The following NFATC3 variants were observed in gnomAD, a reference collection of about 807,000 sequenced individuals.
NFATC3 encodes nuclear factor of activated T cells 3, also known as nuclear factor of activated T-cells, cytoplasmic 3.
A neutral mutation model predicts 98.6 loss-of-function variants in NFATC3; 46 were observed. That is an observed-to-expected ratio of 0.47 (90% CI 0.37 to 0.60). The LOEUF is 0.60. Ranked by LOEUF, NFATC3 falls within the 20% of genes least tolerant of loss-of-function variation. The probability of loss-of-function intolerance (pLI) is 0.00; values close to 1 mark genes in which losing one functional copy is unlikely to be tolerated. For missense variants in NFATC3, 1,256 were observed against 1,295.5 expected, an observed-to-expected ratio of 0.97 and a Z score of 0.47; for synonymous variants, 512 against 472.2, an observed-to-expected ratio of 1.08 and a Z score of -1.09.
intron 1 of NFATC3, among the ~76,000 whole-genome samples, chr16:68,104,085 G>A (rs183418697): frequency 1.6e-3 from 247 of 152,256 alleles, no homozygotes; most frequent in Non-Finnish European, 3.0e-3. Context: ...AGAAAAGCCC[G>A]TGAAATTTTG....
At chr16:68,184,995 T>A (rs529204072) in intron 8 of NFATC3, among the ~76,000 whole-genome samples, 66 of 152,038 alleles carry the variant, frequency 4.3e-4, no homozygotes, top group Non-Finnish European at 7.6e-4. Context: ...TTATTTTTTT[T>A]TTTTGAGAGA....
intron 1 of NFATC3, among the ~76,000 whole-genome samples, chr16:68,119,399 A>G (rs1444768433): frequency 6.6e-6 from 1 of 152,106 alleles, no homozygotes; most frequent in Non-Finnish European, 1.5e-5. Context: ...ATATCAAATG[A>G]TGATACTTTT....
intron 3 of NFATC3, among the ~76,000 whole-genome samples, chr16:68,140,192 G>T (rs1487507906): frequency 6.6e-6 from 1 of 152,052 alleles, no homozygotes; most frequent in Non-Finnish European, 1.5e-5. Context: ...TAGAGACAGG[G>T]TTTCACCATG....
At chr16:68,226,250 G>A in intron 9 of NFATC3, 100 bp from the exon 10 acceptor site, 1 of 1,392,066 alleles carries the variant, frequency 7.2e-7, no homozygotes, top group Non-Finnish European at 9.6e-7. Context: ...TTTACAGAAA[G>A]CCATGGGAAG....
chr16:68,158,398 C>A lies in NFATC3; in HGVS notation c.1601+330C>A, dbSNP rs142825089. Among the ~76,000 whole-genome samples the A allele has an allele frequency of 3.9e-5, 6 of 152,238 alleles. No homozygotes were observed. The East Asian group carries it at 9.6e-4, about 24-fold the overall frequency. The stretch of plus-strand genomic sequence containing the variant: ...CAATTATGATACAATTATGATTGTT[C>A]TATTTCCTTAAGGAAAACTTTTGAC... On this transcript the variant is annotated intron_variant, in intron 4 of 9. Coordinates refer to ENST00000346183, the MANE Select transcript of NFATC3 (RefSeq NM_173165.3).
rs566900065 is a variant in NFATC3 at position 68,180,479 on chromosome 16, G to A, written c.1916-996G>A. 5.9e-5 allele frequency among the ~76,000 whole-genome samples: 9 copies of A among 151,982 alleles called. No individual in the cohort carries two copies. The East Asian group carries it at 1.5e-3, about 26-fold the overall frequency. ...CCACTTGATGGCGGTGTTCTCAGAG[G>A]GCTTTTATTTGTTTTTTATTTTTAT... On this transcript the variant is annotated intron_variant, in intron 6 of 9. Coordinates refer to ENST00000346183, the MANE Select transcript of NFATC3 (RefSeq NM_173165.3).
chr16:68,145,378 C>T (rs2037991179), intron 3 of NFATC3, among the ~76,000 whole-genome samples: 4 of 152,116 alleles, frequency 2.6e-5, no homozygotes, highest in Non-Finnish European at 4.4e-5. Flanking sequence ...AACTCCTGAG[C>T]TCAAGCGATT....
At chr16:68,140,047 AG>A (rs2037666767) in intron 3 of NFATC3, among the ~76,000 whole-genome samples, 1 of 152,100 alleles carries the variant, frequency 6.6e-6, no homozygotes, top group African/African-American at 2.4e-5. Context: ...CCCAGGCTGG[AG>A]TACAGTCGTG....
chr16:68,166,847 G>T lies in NFATC3; in HGVS notation c.1606G>T (p.Asp536Tyr). The change falls in exon 5 of 10, where the codon GAT (aspartate) becomes TAT (tyrosine). Residue 536 changes from aspartate to tyrosine, a missense_variant. Around this residue, in one of 3 missense-constraint regions of NFATC3, gnomAD observed 156 missense variants for 212.4 expected, o/e 0.73. Transcript: ENST00000346183. The stretch of plus-strand genomic sequence containing the variant: ...TTTTTGTATTTTTCTCTTTAGTATT[G>T]ATTGTGCAGGTATTTTGAAACTCCG... ...LPENNMSASI[D>Y]CAGILKLRNS... 6.2e-7 allele frequency: 1 copy of T among 1,610,668 alleles called. No homozygotes were observed. The highest frequency in any genetic ancestry group is 1.1e-5 in the South Asian group (1 of 90,684).
chr16:68,197,536 A>T (rs890432888), intron 9 of NFATC3, among the ~76,000 whole-genome samples: 1 of 152,202 alleles, frequency 6.6e-6, no homozygotes, highest in Non-Finnish European at 1.5e-5. Context: ...CAGGAAGATC[A>T]CTTGAGCCTA....
Position 68,213,236 on chromosome 16 carries a change from A to G in NFATC3, c.3107-13114A>G, listed in dbSNP as rs999109588. The stretch of plus-strand genomic sequence containing the variant: ...CAAGACCATCCTGGCTAAGAAGGTG[A>G]AACCCTGTCTCTACTAAAAATACAA... On this transcript the variant is annotated intron_variant, in intron 9 of 9. Transcript: ENST00000346183. 1.0e-4 allele frequency among the ~76,000 whole-genome samples: 15 copies of G among 148,984 alleles called. No homozygotes were observed. The East Asian group carries it at 1.0e-3, about 10-fold the overall frequency.
chr16:68,168,752 G>A (rs2039331657), intron 5 of NFATC3, among the ~76,000 whole-genome samples: 1 of 152,086 alleles, frequency 6.6e-6, no homozygotes, highest in Non-Finnish European at 1.5e-5. Flanking sequence ...CCAAAGTGCT[G>A]AGATTACAGG....
At chr16:68,159,154 C>T (rs1363528452) in intron 4 of NFATC3, among the ~76,000 whole-genome samples, 2 of 152,108 alleles carry the variant, frequency 1.3e-5, no homozygotes, top group African/African-American at 4.8e-5. Flanking sequence ...ATCACTTGCC[C>T]GGGAGGCAGA....
chr16:68,185,523 A>T (rs933602021), intron 8 of NFATC3, among the ~76,000 whole-genome samples: 3 of 152,144 alleles, frequency 2.0e-5, no homozygotes, highest in African/African-American at 7.2e-5. Flanking sequence ...GGAAAAGCAA[A>T]ATCAGTCAAC....
intron 6 of NFATC3, among the ~76,000 whole-genome samples, chr16:68,175,119 C>T (rs1026831074): frequency 6.6e-6 from 1 of 152,130 alleles, no homozygotes; most frequent in Non-Finnish European, 1.5e-5. Context: ...CTCATACATG[C>T]TACAGCATGG....
intron 1 of NFATC3, among the ~76,000 whole-genome samples, chr16:68,093,700 A>T (rs1268873565): frequency 6.6e-6 from 1 of 152,202 alleles, no homozygotes; most frequent in African/African-American, 2.4e-5. Flanking sequence ...TATTATTTCT[A>T]TTTAGCGCAT....
intron 3 of NFATC3, among the ~76,000 whole-genome samples, chr16:68,153,872 CA>C (rs1435584696): frequency 1.1e-5 from 1 of 93,824 alleles, no homozygotes; most frequent in Non-Finnish European, 1.9e-5. Context: ...CTTGGCCTCC[CA>C]AAGTGCTTGG....
chr16:68,144,516 AT>A (rs200900067), intron 3 of NFATC3, among the ~76,000 whole-genome samples: 4 of 150,766 alleles, frequency 2.7e-5, no homozygotes, highest in Admixed American at 6.6e-5. Context: ...CATCATCATT[AT>A]TTTTTTTTGT....
At position 68,178,423 on chromosome 16, in the gene NFATC3, A is replaced by G. The variant is rs540838500; in HGVS notation, c.1916-3052A>G. Among the ~76,000 whole-genome samples the G allele has an allele frequency of 4.1e-4, 63 of 152,344 alleles. 1 individual carries two copies. Among genetic ancestry groups the G allele is most frequent in the Admixed American group, 9.2e-4 (14 of 15,294 alleles). On this transcript the variant is annotated intron_variant, in intron 6 of 9. Transcript: ENST00000346183. The stretch of plus-strand genomic sequence containing the variant: ...AAACATCAGTTCTGTTTCATAATTT[A>G]TTAATTCATCAATTATTTATGTAGC...
Sources: allele counts gnomAD v4.1 joint callset (sites outside exome capture counted in the v4.1 genomes callset), GRCh38; gene constraint gnomAD v4.1.1; regional missense constraint gnomAD v4.1.1; transcripts MANE v1.5; gene names NCBI Gene and HGNC (gene_info 2026-07-23, HGNC 2026-07-21).